Variants in MDM1 observed in about 807,000 individuals in gnomAD.
MDM1 encodes stabilizer of axonemal microtubules 6, also known as Mdm1 nuclear protein.
A neutral mutation model predicts 89.1 loss-of-function variants in MDM1; 61 were observed. The ratio of observed to expected loss-of-function variants is 0.68; its 90% CI spans 0.56 to 0.85. MDM1 has a LOEUF of 0.85. MDM1 is among the 40% of genes least tolerant of loss of function. The pLI is 0.00. For synonymous variants in MDM1, 290 were observed against 294.1 expected (o/e 0.99, Z 0.14); for missense variants, 820 against 846.5 (o/e 0.97, Z 0.39).
At position 68,321,545 on chromosome 12, in the gene MDM1, A is replaced by T; in HGVS notation, c.885T>A (p.Pro295=). The T allele has an allele frequency of 1.2e-6, 2 of 1,613,068 alleles. No individual in the cohort carries two copies. The highest frequency in any genetic ancestry group is 1.7e-6 in the Non-Finnish European group (2 of 1,179,620). The change falls in exon 6 of 15, where the codon CCT becomes CCA. Residue 295 remains proline (P), a synonymous_variant. Coordinates refer to ENST00000682720, the MANE Select transcript of MDM1 (RefSeq NM_001354969.2). ...CATACCCAAGCCTTTGATGTTTCCA[A>T]GGAGTAAGCTTCCTTTTAGGCTGGT... ...DLHQPKRKLT[P]WKHQRLGKVN...
chr12:68,332,299 C>G lies in MDM1; in HGVS notation c.-54G>C. On this transcript the variant is annotated 5_prime_UTR_variant, in exon 1 of 15. Coordinates refer to ENST00000682720, the MANE Select transcript of MDM1 (RefSeq NM_001354969.2). ...CCGACAGTTAACTGGAGAAAAAGCT[C>G]CGAGGGGGCGGGGCGATAACAGTGT... The G allele has an allele frequency of 6.5e-7, 1 of 1,543,176 alleles. No individual in the cohort carries two copies. Among genetic ancestry groups the G allele is most frequent in the Non-Finnish European group, 8.7e-7 (1 of 1,145,168 alleles).
intron 7 of MDM1, among the ~76,000 whole-genome samples, chr12:68,320,212 A>G (rs544243327): frequency 3.3e-4 from 51 of 152,334 alleles, no homozygotes; most frequent in African/African-American, 1.1e-3. Context: ...TAAACTGCTC[A>G]AGAGTTTAGC....
In MDM1 at chr12:68,296,902, G is replaced by A. The variant is rs768087366; in HGVS notation, c.2062+21C>T. The A allele has an allele frequency of 4.5e-6, 7 of 1,548,138 alleles. No individual in the cohort carries two copies. The Admixed American group carries it at 1.4e-4, about 30-fold the overall frequency. Reference sequence around the variant, plus strand: ...CATAGACTAGAACTCAAACTTTTATGTTATGTGACTACTGAAATACCTTCA... The same window carrying A: ...CATAGACTAGAACTCAAACTTTTATATTATGTGACTACTGAAATACCTTCA... On this transcript the variant is annotated intron_variant, in intron 14 of 14. Coordinates refer to ENST00000682720, the MANE Select transcript of MDM1 (RefSeq NM_001354969.2).
intron 13 of MDM1, among the ~76,000 whole-genome samples, chr12:68,298,649 A>G (rs1236275749): frequency 6.6e-6 from 1 of 152,132 alleles, no homozygotes; most frequent in African/African-American, 2.4e-5. Flanking sequence ...CTACTTGGAT[A>G]GCATTCTCAC....
intron 12 of MDM1, among the ~76,000 whole-genome samples, chr12:68,307,820 C>G (rs568194352): frequency 2.0e-5 from 3 of 151,696 alleles, no homozygotes; most frequent in African/African-American, 7.3e-5. Context: ...TGGCTATAGT[C>G]TCAGCTATTT....
In MDM1 at chr12:68,302,879, G is replaced by GAAAAAA; in HGVS notation, c.1750-8_1750-7insTTTTTT. 2 of 738,172 alleles carry GAAAAAA rather than the reference G, an allele frequency of 2.7e-6. No individual in the cohort carries two copies. Among genetic ancestry groups the GAAAAAA allele is most frequent in the Non-Finnish European group, 3.3e-6 (2 of 597,636 alleles). 45.7% of individuals were successfully genotyped at this position (738,172 alleles called of 1,614,324 possible). On this transcript the variant is annotated splice_region_variant and splice_polypyrimidine_tract_variant and intron_variant, in intron 12 of 14. Coordinates refer to ENST00000682720, the MANE Select transcript of MDM1 (RefSeq NM_001354969.2). ...ATACAGCACGACTTTCTTTCTAAATGACAAAAAAAAAAAAAAAAAAAAGAT... is the reference window on the plus strand; with the variant it reads ...ATACAGCACGACTTTCTTTCTAAATGAAAAAAACAAAAAAAAAAAAAAAAAAAAGAT...
At chr12:68,304,665 G>A (rs778338399) in intron 12 of MDM1, among the ~76,000 whole-genome samples, 12 of 151,836 alleles carry the variant, frequency 7.9e-5, no homozygotes, top group South Asian at 2.1e-4. Flanking sequence ...TGAAAACACC[G>A]GAAAGAAACC....
At chr12:68,329,517 A>G (rs564301196) in intron 2 of MDM1, among the ~76,000 whole-genome samples, 2 of 152,324 alleles carry the variant, frequency 1.3e-5, no homozygotes, top group South Asian at 4.1e-4. Context: ...AATAGGCAAC[A>G]TCTCATTTAA....
rs527354558 is a variant in MDM1, at chr12:68,321,795, A to C, written c.802-167T>G. ...TAAGAAATCAACAAAGAAGTTTTGAAATTTTTAGTATATTTGGTTAGTTAT... is the reference window on the plus strand; with the variant it reads ...TAAGAAATCAACAAAGAAGTTTTGACATTTTTAGTATATTTGGTTAGTTAT... On this transcript the variant is annotated intron_variant, in intron 5 of 14. Coordinates refer to ENST00000682720, the MANE Select transcript of MDM1 (RefSeq NM_001354969.2). 1.2e-4 allele frequency among the ~76,000 whole-genome samples: 19 copies of C among 152,320 alleles called. No individual in the cohort carries two copies. The South Asian group carries it at 3.7e-3, about 30-fold the overall frequency.
Position 68,325,580 on chromosome 12 carries a change from T to C in MDM1, c.499-5A>G. On this transcript the variant is annotated splice_region_variant and splice_polypyrimidine_tract_variant and intron_variant, in intron 3 of 14. Transcript: ENST00000682720. ...CTTACGCAGAAGTCTATCCAACTGT[T>C]CAAAAAACAAAATCCACTCAAAGAC... is the stretch of plus-strand genomic sequence containing the variant. The C allele has an allele frequency of 3.3e-6, 5 of 1,506,234 alleles. No homozygotes were observed. The highest frequency in any genetic ancestry group is 4.4e-6 in the Non-Finnish European group (5 of 1,129,536). The allele number at this position is 1,506,234 out of a possible 1,614,324, so 93.3% of individuals were successfully genotyped here.
At chr12:68,296,647 G>A (rs959747685) in intron 14 of MDM1, among the ~76,000 whole-genome samples, 1 of 152,158 alleles carries the variant, frequency 6.6e-6, no homozygotes, top group Non-Finnish European at 1.5e-5. Context: ...CCCCCAGCTA[G>A]ACAAGGTGGA....
At chr12:68,329,421 T>TAAC (rs1876474848) in intron 2 of MDM1, among the ~76,000 whole-genome samples, 1 of 152,184 alleles carries the variant, frequency 6.6e-6, no homozygotes, top group Admixed American at 6.5e-5. Context: ...TTCAAACATC[T>TAAC]AACATTTATG....
chr12:68,323,424 A>G (rs141107039), intron 4 of MDM1, 184 bp from the exon 5 acceptor site: 980 of 475,286 alleles, frequency 2.1e-3, no homozygotes, highest in Middle Eastern at 4.3e-3. Flanking sequence ...ACTCATTACT[A>G]TGTTTTGAAT....
chr12:68,328,327 T>C (rs1264840407), intron 2 of MDM1, among the ~76,000 whole-genome samples: 1 of 152,222 alleles, frequency 6.6e-6, no homozygotes, highest in Admixed American at 6.5e-5. Flanking sequence ...AATGTACATA[T>C]GCATATAACA....
chr12:68,329,557 T>C (rs1876494419), intron 2 of MDM1, among the ~76,000 whole-genome samples: 1 of 152,170 alleles, frequency 6.6e-6, no homozygotes, highest in Non-Finnish European at 1.5e-5. Context: ...GCAACAGACT[T>C]CCTAAAATCT....
intron 14 of MDM1, 102 bp downstream of exon 14, chr12:68,296,821 G>T: frequency 1.4e-6 from 1 of 703,040 alleles, no homozygotes; most frequent in Non-Finnish European, 2.2e-6. Context: ...TGAAAAATCT[G>T]TGGAAGTACT....
intron 1 of MDM1, 139 bp from the exon 2 acceptor site, chr12:68,331,360 G>C: frequency 1.5e-6 from 1 of 650,150 alleles, no homozygotes. Context: ...TCCTTAATAA[G>C]AGCTAATATT....
intron 14 of MDM1, among the ~76,000 whole-genome samples, 181 bp from the exon 15 acceptor site, chr12:68,295,547 T>C (rs931709200): frequency 3.3e-5 from 5 of 152,236 alleles, no homozygotes; most frequent in Non-Finnish European, 7.3e-5. Flanking sequence ...CTCACAGTAG[T>C]TTTCCAGGTT....
In MDM1 at chr12:68,300,277, G is replaced by A. The variant is rs183737999; in HGVS notation, c.2002+2343C>T. Among the ~76,000 whole-genome samples, 270 of 151,856 alleles carry A rather than the reference G, an allele frequency of 1.8e-3. 2 individuals are homozygous for A. The highest frequency in any genetic ancestry group is 0.016 in the South Asian group (77 of 4,804). ...CACAGGGCCTATAAAACAACACAAC[G>A]GAAAAAACAAAGTATCTAAGTAACA... On this transcript the variant is annotated intron_variant, in intron 13 of 14. Transcript: ENST00000682720.
Sources: gnomAD v4.1 joint callset for allele counts (sites outside exome capture counted in the v4.1 genomes callset) on GRCh38, gnomAD v4.1.1 for gene constraint, MANE v1.5 for transcripts, NCBI Gene and HGNC (gene_info 2026-07-23, HGNC 2026-07-21) for gene names.